PALLD: variants seen among roughly 807,000 people sequenced by gnomAD.
The protein encoded by PALLD is palladin, cytoskeletal associated protein.
In PALLD, 61 loss-of-function variants were observed where a neutral mutation model predicts 123.5. That is an observed-to-expected ratio of 0.49 (90% CI 0.40 to 0.61). PALLD has a LOEUF of 0.61. PALLD is among the 20% of genes least tolerant of loss of function. The pLI is 0.00. For missense variants in PALLD, 1,273 were observed against 1,377.0 expected, an observed-to-expected ratio of 0.92 and a Z score of 1.20; for synonymous variants, 465 against 496.4, an observed-to-expected ratio of 0.94 and a Z score of 0.84.
chr4:168,880,063 A>G (rs1752399395), intron 10 of PALLD, among the ~76,000 whole-genome samples: 1 of 152,230 alleles, frequency 6.6e-6, no homozygotes, highest in Admixed American at 6.5e-5. Context: ...CTCTTATAGA[A>G]TTTGATCAAA....
intron 8 of PALLD, among the ~76,000 whole-genome samples, chr4:168,704,269 C>T (rs946203834): frequency 1.3e-5 from 2 of 152,038 alleles, no homozygotes; most frequent in Non-Finnish European, 2.9e-5. Flanking sequence ...AGACCTAAAA[C>T]CATAAAAACC....
chr4:168,751,266 C>A (rs1159982468), intron 10 of PALLD, among the ~76,000 whole-genome samples: 1 of 152,148 alleles, frequency 6.6e-6, no homozygotes, highest in Non-Finnish European at 1.5e-5. Flanking sequence ...CCCACCTCAG[C>A]CTCCCAAAGT....
chr4:168,877,850 C>T, intron 10 of PALLD: 1 of 1,374,174 alleles, frequency 7.3e-7, no homozygotes, highest in Non-Finnish European at 9.4e-7. Flanking sequence ...GCCCGCCTTC[C>T]CCGAGCTCGC....
intron 10 of PALLD, among the ~76,000 whole-genome samples, chr4:168,733,733 G>C (rs541060104): frequency 2.6e-4 from 40 of 151,886 alleles, no homozygotes; most frequent in African/African-American, 9.4e-4. Flanking sequence ...TGTTGTTGTT[G>C]GTTTTGTTTT....
At chr4:168,835,870 GTT>G (rs1371994600) in intron 10 of PALLD, among the ~76,000 whole-genome samples, 2 of 152,088 alleles carry the variant, frequency 1.3e-5, no homozygotes, top group African/African-American at 4.8e-5. Flanking sequence ...GGCTCAAAGA[GTT>G]TTAATGAATA....
At chr4:168,870,332 A>G (rs1267307034) in intron 10 of PALLD, among the ~76,000 whole-genome samples, 2 of 152,206 alleles carry the variant, frequency 1.3e-5, no homozygotes, top group African/African-American at 2.4e-5. Flanking sequence ...ATCTATAGGT[A>G]TATCTGTCTT....
In PALLD at chr4:168,578,413, TC is replaced by T. The variant is rs200783594; in HGVS notation, c.908+66002del. ...TGATAGTGAGTGAGTTCTTACAAGATCTGATGGTTTTATAAGGGGCTTTTCC... is the reference window on the plus strand; with the variant it reads ...TGATAGTGAGTGAGTTCTTACAAGATTGATGGTTTTATAAGGGGCTTTTCC... On this transcript the variant is annotated intron_variant, in intron 2 of 21. Coordinates refer to ENST00000505667, the MANE Select transcript of PALLD (RefSeq NM_001166108.2). 4.8e-3 allele frequency among the ~76,000 whole-genome samples: 724 copies of T among 152,042 alleles called. 9 individuals are homozygous for T. The highest frequency in any genetic ancestry group is 0.017 in the African/African-American group (691 of 41,428).
At chr4:168,578,625 C>T (rs1769896623) in intron 2 of PALLD, among the ~76,000 whole-genome samples, 1 of 151,852 alleles carries the variant, frequency 6.6e-6, no homozygotes, top group Admixed American at 6.6e-5. Context: ...TGAGAACAGA[C>T]TGATACAGTG....
chr4:168,578,417 A>G (rs1022044486), intron 2 of PALLD, among the ~76,000 whole-genome samples: 2 of 151,948 alleles, frequency 1.3e-5, no homozygotes, highest in African/African-American at 4.8e-5. Context: ...ACAAGATCTG[A>G]TGGTTTTATA....
intron 2 of PALLD, among the ~76,000 whole-genome samples, chr4:168,609,634 A>G (rs1192389377): frequency 6.6e-6 from 1 of 152,154 alleles, no homozygotes; most frequent in Non-Finnish European, 1.5e-5. Flanking sequence ...TGCTGAGGGC[A>G]GCTTAGTGGA....
intron 5 of PALLD, among the ~76,000 whole-genome samples, chr4:168,684,229 A>G (rs183084007): frequency 1.7e-4 from 26 of 152,322 alleles, no homozygotes; most frequent in South Asian, 4.1e-4. Flanking sequence ...AAATAGAGAG[A>G]TACACACACA....
chr4:168,809,318 CCTTCTT>C (rs72109616), intron 10 of PALLD, among the ~76,000 whole-genome samples: 12 of 143,726 alleles, frequency 8.3e-5, no homozygotes, highest in East Asian at 4.0e-4. Flanking sequence ...CCTTATAAAT[CCTTCTT>C]CTTCTTCTTC....
At chr4:168,781,297 T>C (rs565234302) in intron 10 of PALLD, among the ~76,000 whole-genome samples, 3 of 152,300 alleles carry the variant, frequency 2.0e-5, no homozygotes, top group African/African-American at 7.2e-5. Context: ...ACTGAGGTTT[T>C]GGGGGTATCT....
At chr4:168,877,759 C>T (rs1396321298) in intron 10 of PALLD, 11 of 1,180,296 alleles carry the variant, frequency 9.3e-6, no homozygotes, top group Non-Finnish European at 3.1e-6. Flanking sequence ...AGAACCAAAT[C>T]CGACTGGAGC....
At chr4:168,528,242 A>C (rs1338860941) in intron 2 of PALLD, among the ~76,000 whole-genome samples, 2 of 152,190 alleles carry the variant, frequency 1.3e-5, no homozygotes, top group Non-Finnish European at 2.9e-5. Context: ...TTTCCTCTGA[A>C]ATTGCTAAGG....
At chr4:168,729,138 T>TG (rs1441678133) in intron 10 of PALLD, among the ~76,000 whole-genome samples, 1 of 152,214 alleles carries the variant, frequency 6.6e-6, no homozygotes, top group Non-Finnish European at 1.5e-5. Context: ...TCCAATTTCT[T>TG]GGTCTTTTTA....
rs1762778948 is a variant in PALLD, at chr4:168,928,066, C to G, written c.*1886C>G. 1 of 195,592 alleles carries G rather than the reference C, an allele frequency of 5.1e-6. No homozygotes were observed. Among genetic ancestry groups the G allele is most frequent in the Admixed American group, 6.1e-5 (1 of 16,418 alleles). The allele number at this position is 195,592 out of a possible 1,614,324, so 12.1% of individuals were successfully genotyped here. ...CTTCTTTGTAAGAACACCAACCAAC[C>G]AAGGTTTAAGTGATTAATAGGCTTG... On this transcript the variant is annotated 3_prime_UTR_variant, in exon 22 of 22. Coordinates refer to ENST00000505667, the MANE Select transcript of PALLD (RefSeq NM_001166108.2).
rs143717202 is a variant in PALLD at position 168,921,659 on chromosome 4, G to A, written c.2976G>A (p.Thr992=). 6.1e-5 allele frequency: 99 copies of A among 1,610,280 alleles called. No individual in the cohort carries two copies. The African/African-American group carries it at 1.0e-3, about 17-fold the overall frequency. Residue 992 remains threonine (T), a synonymous_variant, in exon 18 of 22, where the codon ACG becomes ACA. Coordinates refer to ENST00000505667, the MANE Select transcript of PALLD (RefSeq NM_001166108.2). ...ACTCTCTGATCATAGAGCCAGTCAC[G>A]TCACGTGATGCCGGCATCTACACAT... is the stretch of plus-strand genomic sequence containing the variant. ...GVHSLIIEPV[T]SRDAGIYTCI...
intron 8 of PALLD, among the ~76,000 whole-genome samples, chr4:168,696,468 A>G (rs1332112689): frequency 6.6e-6 from 1 of 152,096 alleles, no homozygotes. Context: ...TCAGAGCTTA[A>G]TAAACTCCCA....
Sources: gnomAD v4.1 joint callset for allele counts (sites outside exome capture counted in the v4.1 genomes callset) on GRCh38, gnomAD v4.1.1 for gene constraint, MANE v1.5 for transcripts, NCBI Gene and HGNC (gene_info 2026-07-23, HGNC 2026-07-21) for gene names.